Variants in DLG5 observed in about 807,000 individuals in gnomAD.
DLG5 encodes the protein disks large homolog 5.
DLG5 carries 48 observed loss-of-function variants against 189.8 expected under a neutral mutation model. The observed-to-expected ratio is 0.25, with a 90% confidence interval of 0.20 to 0.32. The LOEUF (loss-of-function observed/expected upper bound fraction) is 0.32. DLG5 is among the 10% of genes least tolerant of loss of function. The probability of loss-of-function intolerance (pLI) is 1.00; values close to 1 mark genes in which losing one functional copy is unlikely to be tolerated. For synonymous variants in DLG5, 1,016 were observed against 1,054.1 expected, an observed-to-expected ratio of 0.96 and a Z score of 0.70; for missense variants, 2,160 against 2,544.7, an observed-to-expected ratio of 0.85 and a Z score of 3.25.
chr10:77,889,688 A>C (rs1845550337), intron 1 of DLG5, among the ~76,000 whole-genome samples: 1 of 152,238 alleles, frequency 6.6e-6, no homozygotes, highest in South Asian at 2.1e-4. Context: ...AGGCAGGGTC[A>C]CAGGCTACTT....
chr10:77,930,609 A>C (rs1409540807), upstream of DLG5, among the ~76,000 whole-genome samples: 1 of 151,214 alleles, frequency 6.6e-6, no homozygotes, highest in Non-Finnish European at 1.5e-5. Flanking sequence ...TCGGCCTCCC[A>C]AAGTGCTGGG....
chr10:77,839,177 TACAA>T (rs773402639), intron 7 of DLG5, among the ~76,000 whole-genome samples: 1 of 152,206 alleles, frequency 6.6e-6, no homozygotes, highest in Non-Finnish European at 1.5e-5. Context: ...TCTATATTTC[TACAA>T]ACAGTCTTCA....
At chr10:77,842,576 A>T (rs1211335472) in intron 6 of DLG5, among the ~76,000 whole-genome samples, 1 of 152,198 alleles carries the variant, frequency 6.6e-6, no homozygotes. Context: ...ACAGATACGA[A>T]CAGTACAGCC....
At chr10:77,850,672 C>G (rs370699135) in intron 5 of DLG5, among the ~76,000 whole-genome samples, 20 of 152,196 alleles carry the variant, frequency 1.3e-4, no homozygotes, top group East Asian at 9.6e-4. Context: ...TTCTACACAT[C>G]CTGGATGAGG....
chr10:77,801,022 CCCTCTCT>C (rs1841176824), intron 27 of DLG5, among the ~76,000 whole-genome samples: 1 of 152,204 alleles, frequency 6.6e-6, no homozygotes, highest in Non-Finnish European at 1.5e-5. Context: ...AGAGGGCAGA[CCCTCTCT>C]GGAAGCTGGC....
intron 5 of DLG5, among the ~76,000 whole-genome samples, chr10:77,844,157 G>T (rs905859200): frequency 6.6e-6 from 1 of 152,170 alleles, no homozygotes; most frequent in Admixed American, 6.5e-5. Flanking sequence ...CAGAATCTGG[G>T]TACATGGCAG....
At chr10:77,866,622 C>T (rs1372286195) in intron 2 of DLG5, among the ~76,000 whole-genome samples, 1 of 151,926 alleles carries the variant, frequency 6.6e-6, no homozygotes, top group Non-Finnish European at 1.5e-5. Context: ...TAAGTAGCCA[C>T]CTGTGTTTAG....
At chr10:77,849,443 G>A (rs2154576551) in intron 5 of DLG5, among the ~76,000 whole-genome samples, 1 of 152,344 alleles carries the variant, frequency 6.6e-6, no homozygotes, top group African/African-American at 2.4e-5. Flanking sequence ...CCTGATGAAG[G>A]CAAGGGGGCC....
chr10:77,869,359 T>C, intron 1 of DLG5, 162 bp from the exon 2 acceptor site: 2 of 642,032 alleles, frequency 3.1e-6, no homozygotes, highest in East Asian at 3.1e-5. Context: ...TCAGCAGATC[T>C]GGACTTCGGT....
intron 1 of DLG5, among the ~76,000 whole-genome samples, chr10:77,925,399 G>A (rs902039535): frequency 4.6e-5 from 7 of 152,050 alleles, no homozygotes; most frequent in Non-Finnish European, 1.0e-4. Context: ...CACACTCCAC[G>A]GCCAGGCCAG....
intron 1 of DLG5, among the ~76,000 whole-genome samples, chr10:77,886,954 C>T (rs2579139): frequency 0.41 from 61,793 of 151,964 alleles, 14,845 homozygotes; most frequent in African/African-American, 0.67. Context: ...ATCTGACGCC[C>T]TGACCTTGGA....
At chr10:77,838,769 C>A (rs1385710814) in intron 7 of DLG5, among the ~76,000 whole-genome samples, 1 of 152,250 alleles carries the variant, frequency 6.6e-6, no homozygotes, top group Non-Finnish European at 1.5e-5. Flanking sequence ...TGACAGGCAG[C>A]AGCCAGTGGG....
chr10:77,885,021 A>G (rs1050269543), intron 1 of DLG5, among the ~76,000 whole-genome samples: 1 of 152,226 alleles, frequency 6.6e-6, no homozygotes, highest in Non-Finnish European at 1.5e-5. Flanking sequence ...CACCCAGAGC[A>G]GGAGTGAGCT....
At chr10:77,828,226 C>T (rs1842733472) in intron 13 of DLG5, among the ~76,000 whole-genome samples, 1 of 152,042 alleles carries the variant, frequency 6.6e-6, no homozygotes, top group Non-Finnish European at 1.5e-5. Flanking sequence ...TGGATCATGC[C>T]TGTAATCCCA....
At chr10:77,925,458 C>G (rs1846656264) in intron 1 of DLG5, among the ~76,000 whole-genome samples, 1 of 152,186 alleles carries the variant, frequency 6.6e-6, no homozygotes, top group African/African-American at 2.4e-5. Context: ...CGTTCCTGCA[C>G]CCAGACACAC....
chr10:77,891,028 C>T (rs1845591491), intron 1 of DLG5, among the ~76,000 whole-genome samples: 1 of 152,210 alleles, frequency 6.6e-6, no homozygotes, highest in South Asian at 2.1e-4. Flanking sequence ...TCTGATTCCA[C>T]CATCACTACT....
At chr10:77,831,222 T>C (rs1250260758) in intron 9 of DLG5, among the ~76,000 whole-genome samples, 1 of 152,050 alleles carries the variant, frequency 6.6e-6, no homozygotes, top group Admixed American at 6.5e-5. Context: ...CTGACCGACA[T>C]GGTGAAACCT....
At chr10:77,931,306 T>C (rs1355632650), upstream of DLG5, among the ~76,000 whole-genome samples, 1 of 152,030 alleles carries the variant, frequency 6.6e-6, no homozygotes, top group African/African-American at 2.4e-5. Flanking sequence ...CAGGCTGGAG[T>C]GCAGTGGCAC....
At chr10:77,937,874 ATTTTT>A in the DLG5 span, among the ~76,000 whole-genome samples, 3 of 104,130 alleles carry the variant, frequency 2.9e-5, no homozygotes, top group African/African-American at 1.1e-4. Flanking sequence ...CACTCAGCTA[ATTTTT>A]TTTTTTTTTT....
Sources: allele counts gnomAD v4.1 joint callset (sites outside exome capture counted in the v4.1 genomes callset), GRCh38; gene constraint gnomAD v4.1.1; transcripts MANE v1.5; gene names NCBI Gene and HGNC (gene_info 2026-07-23, HGNC 2026-07-21).